Variants in POLK observed in about 807,000 individuals in gnomAD.
POLK encodes DNA polymerase kappa.
Under a neutral mutation model 94.0 loss-of-function variants are expected in POLK, and 76 were observed. The ratio of observed to expected loss-of-function variants is 0.81; its 90% CI spans 0.67 to 0.98. POLK has a LOEUF of 0.98. POLK is among the 50% of genes least tolerant of loss of function. POLK has a pLI of 0.00. For synonymous variants in POLK, 349 were observed against 325.4 expected (o/e 1.07, Z -0.78); for missense variants, 954 against 1,010.1 (o/e 0.94, Z 0.75).
At chr5:75,586,266 T>C (rs1772465495) in intron 9 of POLK, among the ~76,000 whole-genome samples, 1 of 152,162 alleles carries the variant, frequency 6.6e-6, no homozygotes, top group African/African-American at 2.4e-5. Flanking sequence ...CTTTGCTTTT[T>C]AATCTGAGTA....
intron 6 of POLK, among the ~76,000 whole-genome samples, chr5:75,579,412 A>G (rs1043760476): frequency 6.6e-6 from 1 of 151,126 alleles, no homozygotes; most frequent in African/African-American, 2.4e-5. Context: ...CTCTGTCACC[A>G]AGGCTGGAGT....
chr5:75,569,392 T>C, exon 4 of POLK: 1 of 1,613,508 alleles, frequency 6.2e-7, no homozygotes, highest in Middle Eastern at 1.7e-4. Context: ...AGCAATACCA[T>C]AGTGCACATT....
chr5:75,575,966 T>C (rs1189931121), intron 5 of POLK, among the ~76,000 whole-genome samples: 1 of 152,156 alleles, frequency 6.6e-6, no homozygotes, highest in Admixed American at 6.6e-5. Context: ...CTGGAAAATA[T>C]GCATATTATT....
rs74898360 is a variant in POLK, at chr5:75,521,504, T to C, written c.-14+9590T>C. ...ACATTTCTAGATTGATTTTTTGTGT[T>C]ATTTGGGATGTCACTGAGTTTCCAT... On this transcript the variant is annotated intron_variant, in intron 1 of 14. Coordinates refer to ENST00000241436, the Ensembl canonical transcript of POLK. Among the ~76,000 whole-genome samples the C allele has an allele frequency of 1.1e-3, 162 of 152,306 alleles. 3 individuals are homozygous for C. In the East Asian group the frequency reaches 0.03, roughly 28 times the overall value.
downstream of POLK, among the ~76,000 whole-genome samples, chr5:75,601,418 T>C (rs1328716680): frequency 1.3e-5 from 2 of 152,174 alleles, no homozygotes; most frequent in Admixed American, 1.3e-4. Flanking sequence ...CTTGATTGGA[T>C]TAAATGATGC....
At chr5:75,549,469 G>T (rs947804225) in intron 2 of POLK, among the ~76,000 whole-genome samples, 1 of 151,408 alleles carries the variant, frequency 6.6e-6, no homozygotes, top group Non-Finnish European at 1.5e-5. Context: ...TCTTTTTCAA[G>T]AATATCTTGA....
the POLK span, among the ~76,000 whole-genome samples, chr5:75,607,193 G>T: frequency 2.6e-5 from 4 of 152,144 alleles, no homozygotes; most frequent in African/African-American, 4.8e-5. Flanking sequence ...CTGGCCGGGT[G>T]CGGTGTCTCA....
At chr5:75,511,505 C>T (rs1768001113), upstream of POLK, 3 of 1,479,526 alleles carry the variant, frequency 2.0e-6, no homozygotes, top group South Asian at 2.6e-5. Context: ...AACTTAGCCC[C>T]CTCGATGCCA....
At chr5:75,557,714 T>A (rs191861188) in intron 3 of POLK, among the ~76,000 whole-genome samples, 1 of 152,332 alleles carries the variant, frequency 6.6e-6, no homozygotes, top group East Asian at 1.9e-4. Flanking sequence ...CTCATGTTGA[T>A]CTTGTACATA....
intron 1 of POLK, among the ~76,000 whole-genome samples, chr5:75,521,249 G>A (rs1171521221): frequency 2.0e-5 from 3 of 151,950 alleles, no homozygotes; most frequent in South Asian, 4.2e-4. Context: ...GTCTTTTGAG[G>A]TGATTTTCTA....
exon 13 of POLK, chr5:75,596,954 A>G: frequency 5.0e-6 from 8 of 1,613,654 alleles, no homozygotes; most frequent in Non-Finnish European, 6.8e-6. Flanking sequence ...TTGGAAAACG[A>G]AGATGTTGGA....
At chr5:75,586,595 A>T (rs1772482994) in intron 9 of POLK, among the ~76,000 whole-genome samples, 2 of 152,222 alleles carry the variant, frequency 1.3e-5, no homozygotes, top group Non-Finnish European at 2.9e-5. Flanking sequence ...AGAGTGGTAT[A>T]AATGAATAAT....
chr5:75,530,896 C>T (rs558008123), intron 1 of POLK, among the ~76,000 whole-genome samples: 2 of 151,070 alleles, frequency 1.3e-5, no homozygotes, highest in East Asian at 2.0e-4. Flanking sequence ...CAAGCTGCCT[C>T]CCAGGTTCAT....
intron 3 of POLK, among the ~76,000 whole-genome samples, chr5:75,565,185 T>A (rs1771204456): frequency 6.6e-6 from 1 of 152,190 alleles, no homozygotes; most frequent in Non-Finnish European, 1.5e-5. Flanking sequence ...TATTGATACT[T>A]GTGTATGCTT....
At chr5:75,577,815 C>G (rs1771976468) in intron 6 of POLK, among the ~76,000 whole-genome samples, 1 of 152,174 alleles carries the variant, frequency 6.6e-6, no homozygotes, top group Non-Finnish European at 1.5e-5. Flanking sequence ...ATATGGGCAT[C>G]AAATACAACT....
chr5:75,588,946 G>T (rs1003638760), intron 10 of POLK, among the ~76,000 whole-genome samples: 1 of 152,110 alleles, frequency 6.6e-6, no homozygotes, highest in South Asian at 2.1e-4. Flanking sequence ...AAGATACTAG[G>T]TTCACAGATT....
chr5:75,605,820 A>G (rs1483713254), downstream of POLK, among the ~76,000 whole-genome samples: 1 of 151,858 alleles, frequency 6.6e-6, no homozygotes, highest in South Asian at 2.1e-4. Context: ...CCATGAAGAA[A>G]GAGGGAGCAA....
At chr5:75,538,288 A>G (rs1304149383) in intron 1 of POLK, among the ~76,000 whole-genome samples, 1 of 152,228 alleles carries the variant, frequency 6.6e-6, no homozygotes, top group Non-Finnish European at 1.5e-5. Flanking sequence ...CTTAAAATAA[A>G]CAGCATATTT....
chr5:75,552,468 A>G lies in POLK; in HGVS notation c.136-4A>G. 1 of 1,610,288 alleles carries G rather than the reference A, an allele frequency of 6.2e-7. No individual in the cohort carries two copies. Among genetic ancestry groups the G allele is most frequent in the Non-Finnish European group, 8.5e-7 (1 of 1,178,538 alleles). ...CTTATGCTTTGTTTTGTTTTCCTCC[A>G]TAGGGGTCCAGATTTTATGGAAATG... On this transcript the variant is annotated splice_region_variant and splice_polypyrimidine_tract_variant and intron_variant, in intron 2 of 14. Transcript: ENST00000241436.
Sources: allele counts gnomAD v4.1 joint callset (sites outside exome capture counted in the v4.1 genomes callset), GRCh38; gene constraint gnomAD v4.1.1; transcripts MANE v1.5; gene names NCBI Gene and HGNC (gene_info 2026-07-23, HGNC 2026-07-21).